Variants in SEC14L1 observed in about 807,000 individuals in gnomAD.
SEC14L1 encodes the protein SEC14 like lipid binding 1.
In SEC14L1, 48 loss-of-function variants were observed where a neutral mutation model predicts 85.3. That is an observed-to-expected ratio of 0.56 (90% confidence interval 0.45 to 0.72). The LOEUF is 0.72. Among genes scored for constraint, SEC14L1 ranks in the 30% least tolerant of loss-of-function variants. The pLI is 0.00. For missense variants in SEC14L1, 682 were observed against 921.4 expected (o/e 0.74, Z 3.36); for synonymous variants, 391 against 355.5 (o/e 1.10, Z -1.12).
chr17:77,143,017 T>A (rs1473691878), intron 2 of SEC14L1, among the ~76,000 whole-genome samples: 1 of 152,260 alleles, frequency 6.6e-6, no homozygotes, highest in African/African-American at 2.4e-5. Context: ...GCCAAAGCTG[T>A]AGTGTACACA....
chr17:77,149,601 AAG>A (rs1973465359), intron 3 of SEC14L1, among the ~76,000 whole-genome samples: 1 of 152,180 alleles, frequency 6.6e-6, no homozygotes, highest in African/African-American at 2.4e-5. Flanking sequence ...CAGGAGGCTG[AAG>A]AGAGAGGATC....
intron 3 of SEC14L1, among the ~76,000 whole-genome samples, chr17:77,154,647 G>GTT (rs1567897851): frequency 6.7e-6 from 1 of 149,392 alleles, no homozygotes; most frequent in South Asian, 2.1e-4. Flanking sequence ...GTTTTTTTTT[G>GTT]GTTTTTTTTT....
chr17:77,213,223 A>G lies in SEC14L1; in HGVS notation c.1864-91A>G, dbSNP rs1433908320. On this transcript the variant is annotated intron_variant, in intron 15 of 16. Transcript: ENST00000436233. The surrounding 1 kb of genome is among the most constrained non-coding windows in gnomAD (Gnocchi z 7.1). ...AGTTTCCGTAGCTACATGAAATCCT[A>G]AAGACAGTCCCCTTGGCGCTTGTCA... is the stretch of plus-strand genomic sequence containing the variant. The G allele has an allele frequency of 2.7e-6, 3 of 1,117,732 alleles. No individual in the cohort carries two copies. Among genetic ancestry groups the G allele is most frequent in the East Asian group, 2.5e-5 (1 of 39,830 alleles). 69.2% of individuals were successfully genotyped at this position (1,117,732 alleles called of 1,614,324 possible).
chr17:77,175,031 AGTCT>A, intron 3 of SEC14L1, among the ~76,000 whole-genome samples: 1 of 152,340 alleles, frequency 6.6e-6, no homozygotes, highest in Admixed American at 6.5e-5. Flanking sequence ...GGATAGGAGC[AGTCT>A]GTCTGTTACA....
At chr17:77,145,129 GTGTGTGTA>G (rs778773314) in intron 3 of SEC14L1, 9,115 of 109,206 alleles carry the variant, frequency 0.083, 348 homozygotes, top group East Asian at 0.26. Context: ...GTGTGTGTGT[GTGTGTGTA>G]TATATACACA....
At chr17:77,134,680 G>A (rs964349537) in intron 3 of SEC14L1, among the ~76,000 whole-genome samples, 4 of 152,210 alleles carry the variant, frequency 2.6e-5, no homozygotes, top group Admixed American at 6.5e-5. Flanking sequence ...GCAGTAAGCC[G>A]AGATTGTGCC....
intron 9 of SEC14L1, among the ~76,000 whole-genome samples, chr17:77,201,545 G>A (rs1383156903): frequency 2.6e-5 from 4 of 151,696 alleles, no homozygotes; most frequent in African/African-American, 9.7e-5. Context: ...CCACCTTCCG[G>A]GTTCAAGCAA....
At chr17:77,188,614 G>A (rs1283193038) in intron 3 of SEC14L1, among the ~76,000 whole-genome samples, 1 of 152,074 alleles carries the variant, frequency 6.6e-6, no homozygotes, top group African/African-American at 2.4e-5. Context: ...GTTTGTATAT[G>A]GGGTTTTGTG....
intron 9 of SEC14L1, among the ~76,000 whole-genome samples, chr17:77,202,127 A>T (rs1218468285): frequency 1.3e-5 from 2 of 151,020 alleles, no homozygotes; most frequent in Admixed American, 1.3e-4. Flanking sequence ...GCCCATGATG[A>T]TAGGGCAGTA....
At chr17:77,107,850 G>C (rs1424314208) in intron 3 of SEC14L1, among the ~76,000 whole-genome samples, 1 of 152,198 alleles carries the variant, frequency 6.6e-6, no homozygotes, top group African/African-American at 2.4e-5. Flanking sequence ...TTTGAGAAAG[G>C]AGCCATGCTG....
intron 3 of SEC14L1, among the ~76,000 whole-genome samples, chr17:77,168,083 G>A (rs146090139): frequency 2.6e-4 from 39 of 152,278 alleles, no homozygotes; most frequent in African/African-American, 9.1e-4. Context: ...AGGTAAATGC[G>A]TGATTTGTAA....
intron 3 of SEC14L1, among the ~76,000 whole-genome samples, chr17:77,150,632 C>T (rs559042229): frequency 8.5e-5 from 13 of 152,326 alleles, no homozygotes; most frequent in East Asian, 1.9e-4. Flanking sequence ...TCAGGGCCTC[C>T]GTGGAGTGCG....
intron 3 of SEC14L1, among the ~76,000 whole-genome samples, chr17:77,097,420 C>T (rs145632936): frequency 0.021 from 3,235 of 152,204 alleles, 70 homozygotes; most frequent in Admixed American, 0.053. Flanking sequence ...AAAAATTAGC[C>T]GGGCGTAGTG....
chr17:77,139,729 A>T (rs1187015701), upstream of SEC14L1, among the ~76,000 whole-genome samples: 1 of 150,910 alleles, frequency 6.6e-6, no homozygotes, highest in Admixed American at 6.6e-5. Flanking sequence ...CGATCTCCTG[A>T]CCTCGTGATC....
At chr17:77,139,585 C>G (rs1315019709), upstream of SEC14L1, among the ~76,000 whole-genome samples, 1 of 150,892 alleles carries the variant, frequency 6.6e-6, no homozygotes, top group Non-Finnish European at 1.5e-5. Flanking sequence ...GCAAGCTCTG[C>G]CTCCAGGGTT....
At chr17:77,119,379 C>T (rs771564010) in intron 3 of SEC14L1, among the ~76,000 whole-genome samples, 9 of 151,706 alleles carry the variant, frequency 5.9e-5, no homozygotes, top group African/African-American at 1.7e-4. Flanking sequence ...GGGCGAATTC[C>T]AGACTCTGTC....
At chr17:77,139,791 C>T (rs183502511), upstream of SEC14L1, among the ~76,000 whole-genome samples, 2 of 152,190 alleles carry the variant, frequency 1.3e-5, no homozygotes, top group East Asian at 1.9e-4. Context: ...AGCCACCGCG[C>T]CCGGCCGGTG....
chr17:77,160,608 T>C (rs1443404206), intron 3 of SEC14L1, among the ~76,000 whole-genome samples: 1 of 152,264 alleles, frequency 6.6e-6, no homozygotes, highest in Admixed American at 6.5e-5. Flanking sequence ...TCAAGATTTA[T>C]TGACGGAGAC....
At chr17:77,205,914 G>A (rs968873969) in intron 11 of SEC14L1, among the ~76,000 whole-genome samples, 1 of 152,132 alleles carries the variant, frequency 6.6e-6, no homozygotes, top group Non-Finnish European at 1.5e-5. Context: ...AGGTTGGGGG[G>A]TGGTTTAGCA....
Sources: allele counts gnomAD v4.1 joint callset (sites outside exome capture counted in the v4.1 genomes callset), GRCh38; gene constraint gnomAD v4.1.1; non-coding constraint Gnocchi (gnomAD v3.1); transcripts MANE v1.5; gene names NCBI Gene and HGNC (gene_info 2026-07-23, HGNC 2026-07-21).